The following TOM1L2 variants were observed in gnomAD, a reference collection of about 807,000 sequenced individuals.
TOM1L2 encodes the protein TOM1-like protein 2.
In TOM1L2, 31 loss-of-function variants were observed where a neutral mutation model predicts 67.9. The observed-to-expected ratio is 0.46, with a 90% CI of 0.34 to 0.62. TOM1L2 has a LOEUF of 0.62. Among genes scored for constraint, TOM1L2 ranks in the 20% least tolerant of loss-of-function variants. The probability of loss-of-function intolerance (pLI) is 0.01; values close to 1 mark genes in which losing one functional copy is unlikely to be tolerated. For synonymous variants in TOM1L2, 256 were observed against 254.0 expected (o/e 1.01, Z -0.07); for missense variants, 606 against 663.5 (o/e 0.91, Z 0.95).
chr17:17,848,029 A>ATTT (rs1598163297), intron 14 of TOM1L2, among the ~76,000 whole-genome samples: 1 of 152,004 alleles, frequency 6.6e-6, no homozygotes, highest in East Asian at 1.9e-4. Context: ...ACCGCTGACC[A>ATTT]TTTTCCAGAT....
chr17:17,855,236 G>T lies in TOM1L2; in HGVS notation c.1279-4284C>A, dbSNP rs562899133. 2.1e-4 allele frequency among the ~76,000 whole-genome samples: 32 copies of T among 152,322 alleles called. No homozygotes were observed. The East Asian group carries it at 6.2e-3, about 29-fold the overall frequency. On this transcript the variant is annotated intron_variant, in intron 12 of 14. Coordinates refer to ENST00000379504, the MANE Select transcript of TOM1L2 (RefSeq NM_001082968.2). ...GAGGGAGGGTTGCCTGCCCAAGGGGGAGAGGCATGTCTGTCTGGTACTCCA... is the reference window on the plus strand; with the variant it reads ...GAGGGAGGGTTGCCTGCCCAAGGGGTAGAGGCATGTCTGTCTGGTACTCCA...
intron 1 of TOM1L2, among the ~76,000 whole-genome samples, chr17:17,922,706 A>G (rs9912895): frequency 0.49 from 75,252 of 152,060 alleles, 19,761 homozygotes; most frequent in East Asian, 0.86. Context: ...AGTTAGTGAT[A>G]TAAGACACGA....
chr17:17,865,692 T>C (rs1274895881), intron 10 of TOM1L2, among the ~76,000 whole-genome samples: 1 of 149,492 alleles, frequency 6.7e-6, no homozygotes, highest in African/African-American at 2.5e-5. Context: ...GAAAAGGAAA[T>C]TACTTCAATC....
At chr17:17,930,940 G>C (rs1433182817) in intron 1 of TOM1L2, among the ~76,000 whole-genome samples, 1 of 152,106 alleles carries the variant, frequency 6.6e-6, no homozygotes, top group Non-Finnish European at 1.5e-5. Context: ...CTAACAGTAA[G>C]TTTTGAGATT....
At chr17:17,851,292 CCTT>C (rs1006106129) in intron 12 of TOM1L2, 1 of 358,754 alleles carries the variant, frequency 2.8e-6, no homozygotes, top group Non-Finnish European at 5.3e-6. Flanking sequence ...CTGCAAAACA[CCTT>C]CTAACTTCAG....
At chr17:17,928,769 A>G (rs939392617) in intron 1 of TOM1L2, among the ~76,000 whole-genome samples, 3 of 152,222 alleles carry the variant, frequency 2.0e-5, no homozygotes, top group African/African-American at 4.8e-5. Context: ...AGAATAGAAC[A>G]TAAATAGCTG....
At chr17:17,887,237 C>CCTT (rs1479513797) in intron 4 of TOM1L2, among the ~76,000 whole-genome samples, 8 of 152,214 alleles carry the variant, frequency 5.3e-5, no homozygotes, top group African/African-American at 2.4e-5. Flanking sequence ...CAATTCCAAC[C>CCTT]CTTATCTGGG....
At chr17:17,852,970 C>G (rs1230303054) in intron 12 of TOM1L2, among the ~76,000 whole-genome samples, 1 of 151,290 alleles carries the variant, frequency 6.6e-6, no homozygotes, top group African/African-American at 2.4e-5. Flanking sequence ...TGGGTCCTCA[C>G]TGGGGGGATG....
At chr17:17,915,084 G>T (rs2144541628) in intron 1 of TOM1L2, among the ~76,000 whole-genome samples, 2 of 152,280 alleles carry the variant, frequency 1.3e-5, no homozygotes, top group South Asian at 4.1e-4. Flanking sequence ...GCTGCATCCA[G>T]TAAAACAAGG....
intron 12 of TOM1L2, chr17:17,858,200 C>T: frequency 5.5e-6 from 1 of 182,742 alleles, no homozygotes. Context: ...TTTACAAAAG[C>T]AATTCTACTT....
rs35600233 is a variant in TOM1L2, at chr17:17,897,922, CTTTTTTTTTT to C, written c.216+664_216+673del. ...CAGGTACTCAATAGGTGGAAGTTAA[CTTTTTTTTTT>C]TTTTTTTTTTTGAGACGAAGTCTCA... On this transcript the variant is annotated intron_variant, in intron 3 of 14. Coordinates refer to ENST00000379504, the MANE Select transcript of TOM1L2 (RefSeq NM_001082968.2). Among the ~76,000 whole-genome samples the C allele has an allele frequency of 4.5e-5, 6 of 133,624 alleles. No homozygotes were observed. In the East Asian group the frequency reaches 1.3e-3, roughly 29 times the overall value. 87.7% of individuals were successfully genotyped at this position (133,624 alleles called of 152,430 possible). A position where few individuals can be genotyped will look rare whatever the true frequency, so the allele number is the denominator to read the frequency against.
chr17:17,854,242 TG>T (rs1357881218), intron 12 of TOM1L2, among the ~76,000 whole-genome samples: 1 of 152,172 alleles, frequency 6.6e-6, no homozygotes, highest in East Asian at 1.9e-4. Flanking sequence ...GTACACTGCT[TG>T]GAAAATATGA....
chr17:17,912,754 CAG>C (rs2039445575), intron 1 of TOM1L2, among the ~76,000 whole-genome samples: 1 of 151,968 alleles, frequency 6.6e-6, no homozygotes, highest in African/African-American at 2.4e-5. Context: ...GGCGGCCAGG[CAG>C]AGACGCTCCT....
intron 12 of TOM1L2, among the ~76,000 whole-genome samples, 153 bp downstream of exon 12, chr17:17,861,323 G>T (rs2036546278): frequency 6.6e-6 from 1 of 152,092 alleles, no homozygotes; most frequent in Non-Finnish European, 1.5e-5. Flanking sequence ...GCACTACCTG[G>T]GTTCCACGGG....
chr17:17,910,129 T>C (rs899600933), intron 1 of TOM1L2, among the ~76,000 whole-genome samples: 11 of 152,216 alleles, frequency 7.2e-5, no homozygotes, highest in African/African-American at 2.7e-4. Context: ...CATAGGTCAA[T>C]GGACTGCTGG....
In TOM1L2 at chr17:17,893,708, T is replaced by G. The variant is rs1201854247; in HGVS notation, c.319A>C (p.Asn107His). Residue 107 changes from asparagine (N) to histidine (H), a missense_variant, in exon 4 of 15, where the codon AAC becomes CAC. Asn to His is a moderately conservative substitution (Grantham distance 68). Coordinates refer to ENST00000379504, the MANE Select transcript of TOM1L2 (RefSeq NM_001082968.2). ...SVLVKIISPK[N>H]NPPTIVQDKV... ...TCCTGTACAATGGTGGGAGGGTTGT[T>G]CTTGGGAGATATAATTTTGACCAGA... 6.2e-7 allele frequency: 1 copy of G among 1,614,170 alleles called. No homozygotes were observed. Among genetic ancestry groups the G allele is most frequent in the Non-Finnish European group, 8.5e-7 (1 of 1,180,024 alleles).
intron 2 of TOM1L2, among the ~76,000 whole-genome samples, chr17:17,902,787 CAT>C (rs1005538415): frequency 2.0e-5 from 3 of 152,228 alleles, no homozygotes; most frequent in Non-Finnish European, 4.4e-5. Flanking sequence ...AGTACATCCA[CAT>C]AGATATAGTA....
chr17:17,862,534 TG>T (rs1393063759), intron 11 of TOM1L2, 196 bp downstream of exon 11: 20 of 569,706 alleles, frequency 3.5e-5, no homozygotes, highest in Non-Finnish European at 4.3e-5. Flanking sequence ...TGTGTGTGTT[TG>T]GGGGGGTGGG....
chr17:17,859,375 T>A (rs1442543590), intron 12 of TOM1L2: 1 of 152,124 alleles, frequency 6.6e-6, no homozygotes, highest in Non-Finnish European at 1.5e-5. Context: ...GTGCCCAGCC[T>A]TCCCCTTTTT....
Sources: gnomAD v4.1 joint callset for allele counts (sites outside exome capture counted in the v4.1 genomes callset) on GRCh38, gnomAD v4.1.1 for gene constraint, MANE v1.5 for transcripts, NCBI Gene and HGNC (gene_info 2026-07-23, HGNC 2026-07-21) for gene names.